ARHGEF28: variants seen among roughly 807,000 people sequenced by gnomAD.
ARHGEF28 encodes Rho guanine nucleotide exchange factor 28.
ARHGEF28 carries 152 observed loss-of-function variants against 206.6 expected under a neutral mutation model. The ratio of observed to expected loss-of-function variants is 0.74; its 90% CI spans 0.64 to 0.84. The LOEUF is 0.84. Ranked by LOEUF, ARHGEF28 falls within the 40% of genes least tolerant of loss-of-function variation. The probability of loss-of-function intolerance (pLI) is 0.00; values close to 1 mark genes in which losing one functional copy is unlikely to be tolerated. For missense variants in ARHGEF28, 2,028 were observed against 2,073.2 expected, an observed-to-expected ratio of 0.98 and a Z score of 0.42; for synonymous variants, 763 against 776.4, an observed-to-expected ratio of 0.98 and a Z score of 0.29.
At chr5:73,761,220 A>T (rs768449016) in intron 4 of ARHGEF28, among the ~76,000 whole-genome samples, 2 of 152,298 alleles carry the variant, frequency 1.3e-5, no homozygotes, top group East Asian at 1.9e-4. Context: ...AGCTGAATTT[A>T]AAAAATGACA....
intron 2 of ARHGEF28, among the ~76,000 whole-genome samples, chr5:73,746,093 C>T (rs1030135458): frequency 5.3e-5 from 8 of 152,172 alleles, no homozygotes; most frequent in African/African-American, 1.7e-4. Flanking sequence ...TTAACCAGCA[C>T]ATGTGATAAA....
chr5:73,632,004 C>A (rs13160575), intron 1 of ARHGEF28, among the ~76,000 whole-genome samples: 58,898 of 152,028 alleles, frequency 0.39, 12,575 homozygotes, highest in Admixed American at 0.55. Context: ...AACTTTACAT[C>A]GTGACTGTAG....
intron 22 of ARHGEF28, among the ~76,000 whole-genome samples, chr5:73,873,749 T>C (rs1163321427): frequency 6.6e-6 from 1 of 152,222 alleles, no homozygotes; most frequent in Non-Finnish European, 1.5e-5. Context: ...ATGCTATTGA[T>C]ATATCACTGT....
chr5:73,635,491 A>T (rs1447086067), intron 1 of ARHGEF28, among the ~76,000 whole-genome samples: 1 of 152,234 alleles, frequency 6.6e-6, no homozygotes, highest in East Asian at 1.9e-4. Flanking sequence ...TCTTTTCCAA[A>T]TAGAAGGACT....
chr5:73,851,084 T>A (rs1460480793), intron 13 of ARHGEF28, among the ~76,000 whole-genome samples: 1 of 152,188 alleles, frequency 6.6e-6, no homozygotes, highest in East Asian at 1.9e-4. Flanking sequence ...GTTTATGTAA[T>A]CAAAGCACAA....
chr5:73,709,366 T>A (rs948396063), intron 2 of ARHGEF28, among the ~76,000 whole-genome samples: 13 of 152,170 alleles, frequency 8.5e-5, no homozygotes, highest in Admixed American at 5.2e-4. Context: ...CCACCTCTAA[T>A]CCCTGGCAAC....
At chr5:73,881,320 T>C (rs1380347188) in intron 22 of ARHGEF28, among the ~76,000 whole-genome samples, 1 of 152,232 alleles carries the variant, frequency 6.6e-6, no homozygotes, top group Non-Finnish European at 1.5e-5. Context: ...GTCTTATTTA[T>C]ATTTTTAAAA....
At chr5:73,703,647 TTG>T (rs56160198) in intron 2 of ARHGEF28, among the ~76,000 whole-genome samples, 3,482 of 139,332 alleles carry the variant, frequency 0.025, 50 homozygotes, top group Middle Eastern at 0.047. Flanking sequence ...TTTCCCAGCA[TTG>T]TGTGTGTGTG....
intron 10 of ARHGEF28, among the ~76,000 whole-genome samples, chr5:73,833,275 A>G (rs1757413988): frequency 6.6e-6 from 1 of 152,200 alleles, no homozygotes; most frequent in African/African-American, 2.4e-5. Flanking sequence ...CTACTCACTG[A>G]GCAGTAAGAC....
At chr5:73,647,709 A>G (rs1219356270) in intron 1 of ARHGEF28, among the ~76,000 whole-genome samples, 1 of 152,266 alleles carries the variant, frequency 6.6e-6, no homozygotes, top group Admixed American at 6.5e-5. Context: ...CTGGTTAGCC[A>G]GGCACCCTGC....
intron 13 of ARHGEF28, among the ~76,000 whole-genome samples, chr5:73,849,905 T>A (rs1758594033): frequency 6.6e-6 from 1 of 151,990 alleles, no homozygotes. Context: ...AATGAAATTT[T>A]TGTCAATGTC....
chr5:73,726,643 A>G (rs1451523345), intron 2 of ARHGEF28, among the ~76,000 whole-genome samples: 2 of 152,226 alleles, frequency 1.3e-5, no homozygotes, highest in African/African-American at 2.4e-5. Context: ...TCTATGCTGA[A>G]TAGCGTTTCA....
Position 73,868,188 on chromosome 5 carries a change from A to G in ARHGEF28, c.2386A>G (p.Met796Val), listed in dbSNP as rs1268133816. The G allele has an allele frequency of 1.3e-6, 2 of 1,598,474 alleles. No individual in the cohort carries two copies. Among genetic ancestry groups the G allele is most frequent in the East Asian group, 2.2e-5 (1 of 44,506 alleles). Residue 796 changes from methionine (M) to valine (V), a missense_variant, in exon 20 of 36, where the codon ATG (methionine) becomes GTG (valine). Physicochemically the swap from Met to Val is conservative, Grantham distance 21. Transcript: ENST00000513042. Reference sequence around the variant, plus strand: ...TCATTCTGATGAGCTGCTACAGTCCATGGGCTCTTCTCCCTCTACAGAGTC... The same window carrying G: ...TCATTCTGATGAGCTGCTACAGTCCGTGGGCTCTTCTCCCTCTACAGAGTC... ...RSHSDELLQS[M>V]GSSPSTESFI...
At chr5:73,704,039 G>A (rs1009780023) in intron 2 of ARHGEF28, among the ~76,000 whole-genome samples, 4 of 146,510 alleles carry the variant, frequency 2.7e-5, no homozygotes, top group African/African-American at 1.0e-4. Context: ...AAAAAAAATT[G>A]TAAAAATAAA....
At chr5:73,772,328 G>T (rs367899137) in intron 4 of ARHGEF28, among the ~76,000 whole-genome samples, 3 of 152,120 alleles carry the variant, frequency 2.0e-5, no homozygotes, top group Non-Finnish European at 4.4e-5. Context: ...TGTCTTGAAG[G>T]GGGAGCTGTG....
rs34973031 is a variant in ARHGEF28, at chr5:73,870,529, A to C, written c.2566+320A>C. 0.12 allele frequency among the ~76,000 whole-genome samples: 18,416 copies of C among 152,204 alleles called. 1,445 individuals are homozygous for C. Among genetic ancestry groups the C allele is most frequent in the East Asian group, 0.36 (1,848 of 5,168 alleles). ...AATGTTATTTCCCATATTCCTTTCAAGTTTACTTAGGTTTGGCCTATACTC... is the reference window on the plus strand; with the variant it reads ...AATGTTATTTCCCATATTCCTTTCACGTTTACTTAGGTTTGGCCTATACTC... On this transcript the variant is annotated intron_variant, in intron 21 of 35. Coordinates refer to ENST00000513042, the MANE Select transcript of ARHGEF28 (RefSeq NM_001177693.2).
intron 11 of ARHGEF28, among the ~76,000 whole-genome samples, chr5:73,845,447 C>T (rs1201335540): frequency 6.6e-6 from 1 of 152,068 alleles, no homozygotes; most frequent in African/African-American, 2.4e-5. Flanking sequence ...ACACATCTCT[C>T]CTTGGTGTGC....
Position 73,639,028 on chromosome 5 carries a change from AAG to A in ARHGEF28, c.-12+12712_-12+12713del, listed in dbSNP as rs1743898843. On this transcript the variant is annotated intron_variant, in intron 1 of 35. Transcript: ENST00000513042. ...TGCAAATCTAAGGCTTCTTACAGGG[AAG>A]AGAGAATGAGCAGCTGTTTTGGAGG... 2.0e-5 allele frequency among the ~76,000 whole-genome samples: 3 copies of A among 152,098 alleles called. No individual in the cohort carries two copies. In the South Asian group the frequency reaches 6.2e-4, roughly 32 times the overall value.
rs184383355 is a variant in ARHGEF28, at chr5:73,832,905, G to A, written c.1146+446G>A. ...TGTCACATAAATTACTTGCTTAATCGATACAACGCATCTATTAACATGTAG... is the reference window on the plus strand; with the variant it reads ...TGTCACATAAATTACTTGCTTAATCAATACAACGCATCTATTAACATGTAG... On this transcript the variant is annotated intron_variant, in intron 10 of 35. Transcript: ENST00000513042. Among the ~76,000 whole-genome samples, 1,404 of 152,230 alleles carry A rather than the reference G, an allele frequency of 9.2e-3. 14 individuals are homozygous for A. The highest frequency in any genetic ancestry group is 0.016 in the Non-Finnish European group (1,088 of 68,012).
Sources: gnomAD v4.1 joint callset for allele counts (sites outside exome capture counted in the v4.1 genomes callset) on GRCh38, gnomAD v4.1.1 for gene constraint, MANE v1.5 for transcripts, NCBI Gene and HGNC (gene_info 2026-07-23, HGNC 2026-07-21) for gene names.